The following MCF2L2 variants were observed in gnomAD, a reference collection of about 807,000 sequenced individuals.
MCF2L2 encodes the protein probable guanine nucleotide exchange factor MCF2L2.
Under a neutral mutation model 150.2 loss-of-function variants are expected in MCF2L2, and 102 were observed. That is an observed-to-expected ratio of 0.68 (90% CI 0.58 to 0.80). MCF2L2 has a LOEUF of 0.80. MCF2L2 is among the 30% of genes least tolerant of loss of function. MCF2L2 has a pLI of 0.00. For synonymous variants in MCF2L2, 465 were observed against 491.3 expected, an observed-to-expected ratio of 0.95 and a Z score of 0.71; for missense variants, 1,256 against 1,372.8, an observed-to-expected ratio of 0.91 and a Z score of 1.34.
At chr3:183,301,793 C>CAAAAA (rs200514561) in intron 10 of MCF2L2, among the ~76,000 whole-genome samples, 2 of 124,346 alleles carry the variant, frequency 1.6e-5, no homozygotes, top group African/African-American at 6.0e-5. Context: ...GCTCTGTCTC[C>CAAAAA]AAAAAAAAAA....
intron 3 of MCF2L2, among the ~76,000 whole-genome samples, chr3:183,368,529 C>T (rs937615399): frequency 2.0e-4 from 31 of 152,010 alleles, no homozygotes; most frequent in Admixed American, 2.0e-3. Flanking sequence ...TTTGGGAGGC[C>T]GAGGCGGGCA....
At chr3:183,233,723 C>T (rs1723671191) in intron 15 of MCF2L2, among the ~76,000 whole-genome samples, 1 of 152,110 alleles carries the variant, frequency 6.6e-6, no homozygotes, top group African/African-American at 2.4e-5. Flanking sequence ...ATTTCTACAT[C>T]TTACTCTATA....
intron 17 of MCF2L2, among the ~76,000 whole-genome samples, chr3:183,228,602 A>C (rs1275193944): frequency 6.6e-6 from 1 of 152,184 alleles, no homozygotes; most frequent in East Asian, 1.9e-4. Flanking sequence ...CCTTAGGTTC[A>C]CAAAAAGAAA....
At chr3:183,339,963 T>TA (rs1730633019) in intron 4 of MCF2L2, among the ~76,000 whole-genome samples, 1 of 152,192 alleles carries the variant, frequency 6.6e-6, no homozygotes, top group Non-Finnish European at 1.5e-5. Flanking sequence ...AGACATTAGA[T>TA]TACTCATGTA....
intron 3 of MCF2L2, among the ~76,000 whole-genome samples, chr3:183,370,775 T>C (rs959879): frequency 0.32 from 48,174 of 152,078 alleles, 11,707 homozygotes; most frequent in African/African-American, 0.68. Flanking sequence ...ACTTAAATTC[T>C]CGTGACATGT....
chr3:183,413,862 C>T (rs540928422), intron 1 of MCF2L2, among the ~76,000 whole-genome samples: 66 of 152,276 alleles, frequency 4.3e-4, no homozygotes, highest in African/African-American at 1.5e-3. Context: ...GCTCTTTATC[C>T]TCGTTGTCTT....
intron 15 of MCF2L2, among the ~76,000 whole-genome samples, chr3:183,255,713 G>A (rs80236491): frequency 0.047 from 7,103 of 151,730 alleles, 236 homozygotes; most frequent in Non-Finnish European, 0.07. Flanking sequence ...AAAATAAAGT[G>A]CAGGCCCCAT....
At chr3:183,342,620 ATGTGTGTGTG>A (rs57683720) in intron 3 of MCF2L2, among the ~76,000 whole-genome samples, 14,617 of 142,900 alleles carry the variant, frequency 0.1, 877 homozygotes, top group Admixed American at 0.14. Context: ...TGAAGATTAA[ATGTGTGTGTG>A]TGTGTGTGTG....
At chr3:183,206,746 C>T (rs1722487377) in intron 23 of MCF2L2, among the ~76,000 whole-genome samples, 1 of 152,098 alleles carries the variant, frequency 6.6e-6, no homozygotes, top group African/African-American at 2.4e-5. Flanking sequence ...TGGTGCGTGC[C>T]TGTAATCCCA....
intron 4 of MCF2L2, among the ~76,000 whole-genome samples, chr3:183,341,127 T>G (rs1377350858): frequency 1.3e-5 from 2 of 152,298 alleles, no homozygotes; most frequent in East Asian, 3.9e-4. Context: ...AGGGGGTTAC[T>G]GCCGTAGGCA....
At chr3:183,219,835 G>A (rs1723079612) in intron 21 of MCF2L2, 21 bp downstream of exon 21, 1 of 1,507,806 alleles carries the variant, frequency 6.6e-7, no homozygotes, top group Non-Finnish European at 9.2e-7. Flanking sequence ...TATATAAAAT[G>A]TAATATTTAA....
chr3:183,384,967 C>T (rs900319745), intron 2 of MCF2L2, among the ~76,000 whole-genome samples: 2 of 152,138 alleles, frequency 1.3e-5, no homozygotes, highest in African/African-American at 2.4e-5. Context: ...TGAGAACCTT[C>T]CCTCTCACCT....
chr3:183,371,373 G>A (rs1054030804), intron 3 of MCF2L2, among the ~76,000 whole-genome samples: 1 of 152,014 alleles, frequency 6.6e-6, no homozygotes, highest in Admixed American at 6.6e-5. Flanking sequence ...AGTCATTCAG[G>A]AAAGGCAGGA....
intron 5 of MCF2L2, among the ~76,000 whole-genome samples, chr3:183,334,626 A>G (rs1026158512): frequency 1.1e-4 from 16 of 147,458 alleles, no homozygotes; most frequent in Non-Finnish European, 3.0e-5. Context: ...TGTCTCTACT[A>G]AAAAAAAAAT....
At chr3:183,183,955 A>G (rs1386261972) in intron 27 of MCF2L2, among the ~76,000 whole-genome samples, 3 of 152,154 alleles carry the variant, frequency 2.0e-5, no homozygotes, top group African/African-American at 7.2e-5. Context: ...AAACCATGCC[A>G]AACACACAGG....
chr3:183,180,117 T>A lies in MCF2L2; in HGVS notation c.3059A>T (p.Asp1020Val). Residue 1020 changes from aspartate (D) to valine (V), a missense_variant, in exon 28 of 30, where the codon GAC becomes GTC. By Grantham distance (152) the Asp-to-Val change is radical. Transcript: ENST00000328913. ...TTCCATGTCTTCTGCGCCTTCACAG[T>A]CTTCAAAGGTGTCCATGGAGCTAAA... The part of the protein sequence containing the change: ...REFSSMDTFE[D>V]CEGAEDMEKE... 3 of 1,613,964 alleles carry A rather than the reference T, an allele frequency of 1.9e-6. No homozygotes were observed. Among genetic ancestry groups the A allele is most frequent in the Non-Finnish European group, 2.5e-6 (3 of 1,179,946 alleles).
At chr3:183,378,536 T>C (rs1713325966) in intron 3 of MCF2L2, 1 of 152,232 alleles carries the variant, frequency 6.6e-6, no homozygotes, top group South Asian at 2.1e-4. Flanking sequence ...ACAGTTTTTT[T>C]CCCTGGCCTT....
At chr3:183,248,801 A>G (rs971533220) in intron 15 of MCF2L2, among the ~76,000 whole-genome samples, 1 of 152,180 alleles carries the variant, frequency 6.6e-6, no homozygotes, top group Non-Finnish European at 1.5e-5. Context: ...CGGCCATTGT[A>G]TTCCAGCCTG....
intron 3 of MCF2L2, among the ~76,000 whole-genome samples, chr3:183,344,014 A>T (rs970898358): frequency 3.9e-5 from 6 of 151,982 alleles, no homozygotes; most frequent in East Asian, 1.9e-4. Flanking sequence ...ACTAAAATTT[A>T]AAAAAATTAG....
Sources: gnomAD v4.1 joint callset for allele counts (sites outside exome capture counted in the v4.1 genomes callset) on GRCh38, gnomAD v4.1.1 for gene constraint, MANE v1.5 for transcripts, NCBI Gene and HGNC (gene_info 2026-07-23, HGNC 2026-07-21) for gene names.